The following NIBAN1 variants were observed in gnomAD, a reference collection of about 807,000 sequenced individuals.
NIBAN1 encodes niban apoptosis regulator 1.
Under a neutral mutation model 75.1 loss-of-function variants are expected in NIBAN1, and 81 were observed. That is an observed-to-expected ratio of 1.08 (90% CI 0.90 to 1.30). The LOEUF is 1.30. Among genes scored for constraint, NIBAN1 ranks in the 50% most tolerant of loss-of-function variants. The pLI is 0.00. For missense variants in NIBAN1, 1,133 were observed against 1,128.1 expected (o/e 1.00, Z -0.06); for synonymous variants, 436 against 424.8 (o/e 1.03, Z -0.32).
intron 5 of NIBAN1, among the ~76,000 whole-genome samples, chr1:184,833,194 G>T (rs1655045332): frequency 6.6e-6 from 1 of 151,052 alleles, no homozygotes; most frequent in Non-Finnish European, 1.5e-5. Flanking sequence ...AGTTGATATG[G>T]GGAACTAAGC....
At chr1:184,958,401 CAA>C (rs1553231467) in intron 1 of NIBAN1, among the ~76,000 whole-genome samples, 1 of 138,772 alleles carries the variant, frequency 7.2e-6, no homozygotes, top group Admixed American at 7.3e-5. Flanking sequence ...CACACACACA[CAA>C]ATAGCCAAAT....
intron 9 of NIBAN1, among the ~76,000 whole-genome samples, chr1:184,816,503 C>G (rs1433093862): frequency 6.6e-6 from 1 of 152,118 alleles, no homozygotes; most frequent in African/African-American, 2.4e-5. Flanking sequence ...TATTTTTAAA[C>G]AAAATTTTAA....
intron 1 of NIBAN1, among the ~76,000 whole-genome samples, chr1:184,917,621 A>C (rs574005127): frequency 5.9e-5 from 9 of 151,888 alleles, no homozygotes; most frequent in Non-Finnish European, 7.4e-5. Context: ...AGATATAATA[A>C]GTTTCATTTC....
At chr1:184,883,247 G>A (rs887918006) in intron 5 of NIBAN1, among the ~76,000 whole-genome samples, 6 of 152,156 alleles carry the variant, frequency 3.9e-5, no homozygotes, top group East Asian at 1.9e-4. Flanking sequence ...CTGAAAGTTC[G>A]GCACTCCTTT....
intron 1 of NIBAN1, among the ~76,000 whole-genome samples, chr1:184,915,610 T>C (rs142878902): frequency 2.6e-3 from 391 of 152,276 alleles, no homozygotes; most frequent in African/African-American, 9.1e-3. Flanking sequence ...ATGGCTCTGA[T>C]GATGGGTAGC....
At chr1:184,928,477 A>G (rs192768168) in intron 1 of NIBAN1, among the ~76,000 whole-genome samples, 13 of 152,234 alleles carry the variant, frequency 8.5e-5, no homozygotes, top group African/African-American at 1.7e-4. Context: ...TAGGACCCCA[A>G]AGTACTTTAG....
In NIBAN1 at chr1:184,923,635, A is replaced by C. The variant is rs138180103; in HGVS notation, c.56-24326T>G. 7.4e-3 allele frequency among the ~76,000 whole-genome samples: 1,124 copies of C among 152,262 alleles called. 13 individuals are homozygous for C. Among genetic ancestry groups the C allele is most frequent in the African/African-American group, 0.026 (1,093 of 41,530 alleles). ...GGTATTTTGATAAGGATTGCATTGA[A>C]TCTGTAGATTGCTTTGGGTTGGGTG... On this transcript the variant is annotated intron_variant, in intron 1 of 13. Transcript: ENST00000367511.
At chr1:184,861,596 G>GGGAA (rs1044602218) in intron 5 of NIBAN1, among the ~76,000 whole-genome samples, 1 of 141,792 alleles carries the variant, frequency 7.1e-6, no homozygotes, top group African/African-American at 2.7e-5. Flanking sequence ...GAAGGAAGGA[G>GGGAA]GGAAGGAAGG....
At chr1:184,817,972 C>T (rs1571488572) in intron 9 of NIBAN1, among the ~76,000 whole-genome samples, 1 of 152,254 alleles carries the variant, frequency 6.6e-6, no homozygotes, top group East Asian at 1.9e-4. Flanking sequence ...CTGTACCTCA[C>T]TTCCAATTCC....
chr1:184,945,144 A>G (rs1191619367), intron 1 of NIBAN1, among the ~76,000 whole-genome samples: 2 of 152,214 alleles, frequency 1.3e-5, no homozygotes, highest in Non-Finnish European at 2.9e-5. Context: ...TTGATTGGAG[A>G]CTAAACTAAA....
chr1:184,810,890 T>C (rs1654357435), intron 9 of NIBAN1, among the ~76,000 whole-genome samples: 1 of 152,210 alleles, frequency 6.6e-6, no homozygotes. Flanking sequence ...GAAGTGGAGC[T>C]TCTAGTGACT....
chr1:184,805,035 G>A (rs1027186424), intron 11 of NIBAN1, among the ~76,000 whole-genome samples: 17 of 152,088 alleles, frequency 1.1e-4, no homozygotes, highest in South Asian at 2.1e-4. Context: ...TGATCTGCCC[G>A]CCTCGGCCTC....
chr1:184,894,207 C>G lies in NIBAN1; in HGVS notation c.187-1G>C. ...AAATAGTTCCAGGCGCCAATGGTGG[C>G]TTAAAGAAGATGAATACAATTAACT... On this transcript the variant is annotated splice_acceptor_variant, in intron 2 of 13. Coordinates refer to ENST00000367511, the MANE Select transcript of NIBAN1 (RefSeq NM_052966.4). LOFTEE classifies it high-confidence loss of function. 6.3e-7 allele frequency: 1 copy of G among 1,595,808 alleles called. No homozygotes were observed. Among genetic ancestry groups the G allele is most frequent in the Non-Finnish European group, 8.5e-7 (1 of 1,173,998 alleles).
chr1:184,835,952 C>T (rs996765235), intron 5 of NIBAN1, among the ~76,000 whole-genome samples: 9 of 152,154 alleles, frequency 5.9e-5, no homozygotes, highest in African/African-American at 2.2e-4. Flanking sequence ...CCAGTTTTTG[C>T]CCATTCAGTA....
rs1571617909 is a variant in NIBAN1, at chr1:184,974,428, C to T, written c.-72G>A. ...CCGCTGCTAGCTCCTGGAGGTTGATCCGACGGCGAACCCGGCTCTGAAATT... is the reference window on the plus strand; with the variant it reads ...CCGCTGCTAGCTCCTGGAGGTTGATTCGACGGCGAACCCGGCTCTGAAATT... On this transcript the variant is annotated 5_prime_UTR_variant, in exon 1 of 14. Transcript: ENST00000367511. 1.3e-6 allele frequency: 2 copies of T among 1,501,376 alleles called. No individual in the cohort carries two copies. The highest frequency in any genetic ancestry group is 3.4e-4 in the Middle Eastern group (2 of 5,900). 93.0% of individuals were successfully genotyped at this position (1,501,376 alleles called of 1,614,324 possible). A position where few individuals can be genotyped will look rare whatever the true frequency, so the allele number is the denominator to read the frequency against.
chr1:184,960,309 GT>G (rs1263415911), intron 1 of NIBAN1, among the ~76,000 whole-genome samples: 1 of 152,118 alleles, frequency 6.6e-6, no homozygotes, highest in Non-Finnish European at 1.5e-5. Flanking sequence ...TTTCTAAAAT[GT>G]TGATCACCAG....
chr1:184,952,424 T>C (rs895327023), intron 1 of NIBAN1, among the ~76,000 whole-genome samples: 1 of 151,882 alleles, frequency 6.6e-6, no homozygotes, highest in African/African-American at 2.4e-5. Flanking sequence ...GAAAAAGAAA[T>C]AGATGTGTTC....
chr1:184,804,947 C>G (rs183895707), intron 11 of NIBAN1, among the ~76,000 whole-genome samples: 1 of 152,042 alleles, frequency 6.6e-6, no homozygotes, highest in Admixed American at 6.6e-5. Flanking sequence ...CACCACCACA[C>G]CCGGCTAGTT....
chr1:184,929,686 G>C (rs561531208), intron 1 of NIBAN1, among the ~76,000 whole-genome samples: 1 of 152,170 alleles, frequency 6.6e-6, no homozygotes, highest in African/African-American at 2.4e-5. Context: ...CACATGAGTT[G>C]TATATTTAAA....
Sources: gnomAD v4.1 joint callset for allele counts (sites outside exome capture counted in the v4.1 genomes callset) on GRCh38, gnomAD v4.1.1 for gene constraint, MANE v1.5 for transcripts, NCBI Gene and HGNC (gene_info 2026-07-23, HGNC 2026-07-21) for gene names.